Variants in RELCH observed in about 807,000 individuals in gnomAD.
RELCH encodes RAB11-binding protein RELCH.
In RELCH, 41 loss-of-function variants were observed where a neutral mutation model predicts 150.3. The ratio of observed to expected loss-of-function variants is 0.27; its 90% confidence interval spans 0.21 to 0.35. RELCH has a LOEUF of 0.35. Ranked by LOEUF, RELCH falls within the 10% of genes least tolerant of loss-of-function variation. RELCH has a pLI of 1.00. For synonymous variants in RELCH, 478 were observed against 531.8 expected (o/e 0.90, Z 1.39); for missense variants, 1,092 against 1,467.8 (o/e 0.74, Z 4.18).
chr18:62,244,659 G>A (rs535083756), intron 10 of RELCH, 105 bp from the exon 11 acceptor site: 9 of 690,374 alleles, frequency 1.3e-5, no homozygotes, highest in South Asian at 5.7e-5. Context: ...TTTGTTTACT[G>A]AGGTTTATTT....
Position 62,229,486 on chromosome 18 carries a change from GT to G in RELCH, c.1448+889del, listed in dbSNP as rs1282558913. ...ACAGCTTCTTCTGTGTATAGTAGGG[GT>G]GTGTGTGTGTGTGTGTGTGTGTGTG... On this transcript the variant is annotated intron_variant, in intron 8 of 28. Coordinates refer to ENST00000644646, the MANE Select transcript of RELCH (RefSeq NM_001346231.2). 5.1e-3 allele frequency among the ~76,000 whole-genome samples: 173 copies of G among 33,916 alleles called. 2 individuals are homozygous for G. Among genetic ancestry groups the G allele is most frequent in the African/African-American group, 0.03 (160 of 5,414 alleles). The allele number at this position is 33,916 out of a possible 152,430, so 22.3% of individuals were successfully genotyped here.
At chr18:62,232,235 A>G in intron 9 of RELCH, 97 bp from the exon 10 acceptor site, 1 of 679,440 alleles carries the variant, frequency 1.5e-6, no homozygotes, top group Non-Finnish European at 2.7e-6. Flanking sequence ...ATGTGTGTTT[A>G]GGGCAGAGGT....
chr18:62,260,042 A>G (rs2043176286), intron 15 of RELCH, among the ~76,000 whole-genome samples: 1 of 151,882 alleles, frequency 6.6e-6, no homozygotes, highest in Non-Finnish European at 1.5e-5. Flanking sequence ...AAATAGACAA[A>G]TGGGATTATA....
At chr18:62,295,978 A>G (rs1033359241) in intron 27 of RELCH, among the ~76,000 whole-genome samples, 2 of 152,156 alleles carry the variant, frequency 1.3e-5, no homozygotes, top group Admixed American at 6.5e-5. Flanking sequence ...CCAGTATTTC[A>G]TAACTGACCC....
In RELCH at chr18:62,187,513, C is replaced by T; in HGVS notation, c.8C>T (p.Ala3Val). The change falls in exon 1 of 29, where the codon GCG becomes GTG. Residue 3 changes from alanine (A) to valine (V), a missense_variant. By Grantham distance (64) the Ala-to-Val change is moderately conservative. This residue lies in a region of RELCH where 138 missense variants were observed against 124.8 expected (regional missense o/e 1.11). Transcript: ENST00000644646. ...CACTCCTGACAGGATAAGATGGCGG[C>T]GATGGCGCCTGGAGGTAGTGGCAGT... MA[A>V]MAPGGSGSGG... 6.6e-7 allele frequency: 1 copy of T among 1,513,510 alleles called. No homozygotes were observed. Among genetic ancestry groups the T allele is most frequent in the Non-Finnish European group, 8.8e-7 (1 of 1,131,444 alleles). The allele number at this position is 1,513,510 out of a possible 1,614,324, so 93.8% of individuals were successfully genotyped here. A position where few individuals can be genotyped will look rare whatever the true frequency, so the allele number is the denominator to read the frequency against.
At chr18:62,266,650 A>G (rs530340792) in intron 18 of RELCH, 51 bp from the exon 19 acceptor site, 16 of 1,133,890 alleles carry the variant, frequency 1.4e-5, no homozygotes, top group African/African-American at 1.4e-4. Context: ...CATTTAATCA[A>G]TTTGCCCATT....
intron 1 of RELCH, among the ~76,000 whole-genome samples, chr18:62,207,362 T>C (rs994844748): frequency 7.2e-5 from 11 of 152,376 alleles, no homozygotes; most frequent in East Asian, 3.9e-4. Context: ...TAACATTCTA[T>C]TGTACAGATA....
chr18:62,243,897 A>G (rs2042272225), intron 10 of RELCH, among the ~76,000 whole-genome samples: 1 of 152,074 alleles, frequency 6.6e-6, no homozygotes, highest in South Asian at 2.1e-4. Context: ...TAATTACATC[A>G]TAGTGATTTC....
intron 19 of RELCH, among the ~76,000 whole-genome samples, chr18:62,267,512 G>GTT (rs35576565): frequency 0.13 from 17,521 of 135,718 alleles, 1,434 homozygotes; most frequent in Middle Eastern, 0.21. Context: ...GTGTGTGTGT[G>GTT]TGTGTGTATA....
chr18:62,276,505 A>G (rs1314229232), intron 22 of RELCH, among the ~76,000 whole-genome samples: 1 of 152,142 alleles, frequency 6.6e-6, no homozygotes, highest in East Asian at 1.9e-4. Flanking sequence ...AATAGGGAAC[A>G]TATACTTATC....
intron 11 of RELCH, among the ~76,000 whole-genome samples, chr18:62,251,504 A>G (rs2042701012): frequency 6.6e-6 from 1 of 152,146 alleles, no homozygotes; most frequent in South Asian, 2.1e-4. Context: ...GTCCAACAAG[A>G]TGGACATCAC....
At chr18:62,221,749 A>G (rs890312283) in intron 5 of RELCH, among the ~76,000 whole-genome samples, 2 of 151,756 alleles carry the variant, frequency 1.3e-5, no homozygotes, top group African/African-American at 2.4e-5. Context: ...CAGTGACTAT[A>G]TAGTCCACTC....
At chr18:62,292,067 C>G (rs2045171962) in intron 27 of RELCH, among the ~76,000 whole-genome samples, 1 of 152,148 alleles carries the variant, frequency 6.6e-6, no homozygotes, top group African/African-American at 2.4e-5. Context: ...TATCTTCAAC[C>G]TATTTTTCCA....
In RELCH at chr18:62,191,547, G is replaced by A. The variant is rs150934409; in HGVS notation, c.526+3516G>A. 1.5e-3 allele frequency among the ~76,000 whole-genome samples: 234 copies of A among 152,094 alleles called. 1 individual carries two copies. Among genetic ancestry groups the A allele is most frequent in the African/African-American group, 5.2e-3 (215 of 41,484 alleles). The stretch of plus-strand genomic sequence containing the variant: ...ATCACCTAGGTATTATGCCCAGCAC[G>A]CATTAGCTATTTTTCCTGATACTCT... On this transcript the variant is annotated intron_variant, in intron 1 of 28. Transcript: ENST00000644646.
At chr18:62,238,538 A>C (rs917696095) in intron 10 of RELCH, among the ~76,000 whole-genome samples, 1 of 152,100 alleles carries the variant, frequency 6.6e-6, no homozygotes, top group Non-Finnish European at 1.5e-5. Flanking sequence ...AGATTACTTC[A>C]AGTAGCATTT....
intron 9 of RELCH, among the ~76,000 whole-genome samples, chr18:62,231,675 A>C (rs1036693864): frequency 1.3e-5 from 2 of 151,752 alleles, no homozygotes; most frequent in Non-Finnish European, 2.9e-5. Context: ...TGCATATTAG[A>C]TTTTCTCAAC....
intron 25 of RELCH, among the ~76,000 whole-genome samples, chr18:62,286,301 T>G (rs947290515): frequency 1.3e-5 from 2 of 152,162 alleles, no homozygotes; most frequent in Admixed American, 1.3e-4. Flanking sequence ...TTGGAGTTTT[T>G]GTTTCCTAAT....
intron 1 of RELCH, among the ~76,000 whole-genome samples, chr18:62,193,175 G>A (rs993794365): frequency 6.6e-6 from 1 of 152,112 alleles, no homozygotes; most frequent in African/African-American, 2.4e-5. Flanking sequence ...CTGCTTGTCT[G>A]TTGTTGGTGT....
rs529961698 is a variant in RELCH at position 62,264,497 on chromosome 18, G to C, written c.2508-232G>C. 4.5e-4 allele frequency among the ~76,000 whole-genome samples: 68 copies of C among 152,114 alleles called. 1 individual carries two copies. The highest frequency in any genetic ancestry group is 1.5e-3 in the African/African-American group (61 of 41,546). ...TTGAGTCACATTAACTCTGTACTCG[G>C]AATTCTACCATTAAGGTTTCATATA... On this transcript the variant is annotated intron_variant, in intron 17 of 28. Transcript: ENST00000644646.
Sources: allele counts gnomAD v4.1 joint callset (sites outside exome capture counted in the v4.1 genomes callset), GRCh38; gene constraint gnomAD v4.1.1; regional missense constraint gnomAD v4.1.1; transcripts MANE v1.5; gene names NCBI Gene and HGNC (gene_info 2026-07-23, HGNC 2026-07-21).